The following IL1RAPL1 variants were observed in gnomAD, a reference collection of about 807,000 sequenced individuals.
IL1RAPL1 encodes interleukin-1 receptor accessory protein-like 1.
Under a neutral mutation model 48.4 loss-of-function variants are expected in IL1RAPL1, and 3 were observed. The ratio of observed to expected loss-of-function variants is 0.06; its 90% CI spans 0.03 to 0.16. The LOEUF (loss-of-function observed/expected upper bound fraction) is 0.16, where lower values mean the gene tolerates loss of function less well. Ranked by LOEUF, IL1RAPL1 falls within the 10% of genes least tolerant of loss-of-function variation. IL1RAPL1 has a pLI of 1.00. For synonymous variants in IL1RAPL1, 185 were observed against 187.7 expected, an observed-to-expected ratio of 0.99 and a Z score of 0.12; for missense variants, 349 against 530.6, an observed-to-expected ratio of 0.66 and a Z score of 3.36.
At chrX:28,763,120 A>T (rs1385252363) in intron 1 of IL1RAPL1, among the ~76,000 whole-genome samples, 1 of 110,917 alleles carries the variant, frequency 9.0e-6, no homozygotes, top group Non-Finnish European at 1.9e-5. Context: ...TCTGTTGGAT[A>T]TTTGGGTCAT....
intron 2 of IL1RAPL1, among the ~76,000 whole-genome samples, chrX:29,129,588 A>ATTTTTTTTTTTTT (rs754196116): frequency 5.0e-5 from 3 of 59,869 alleles, no homozygotes; most frequent in Non-Finnish European, 8.4e-5. Flanking sequence ...AATAATGTAA[A>ATTTTTTTTTTTTT]TTTTTTTTTT....
chrX:29,098,951 C>T (rs1291234468), intron 2 of IL1RAPL1, among the ~76,000 whole-genome samples: 1 of 111,294 alleles, frequency 9.0e-6, no homozygotes, highest in Non-Finnish European at 1.9e-5. Context: ...AGGAGTTTGA[C>T]ACCAGCCTGG....
At chrX:29,026,023 A>G (rs1360808421) in intron 2 of IL1RAPL1, among the ~76,000 whole-genome samples, 1 of 111,828 alleles carries the variant, frequency 8.9e-6, no homozygotes, top group Non-Finnish European at 1.9e-5. Flanking sequence ...GTCCAACCAT[A>G]CTAGGAAGTC....
intron 6 of IL1RAPL1, among the ~76,000 whole-genome samples, chrX:29,759,915 G>A (rs1198795905): frequency 2.7e-5 from 3 of 111,359 alleles, no homozygotes; most frequent in African/African-American, 6.5e-5. Flanking sequence ...ATTTACCACC[G>A]TAACAACTTA....
intron 1 of IL1RAPL1, among the ~76,000 whole-genome samples, chrX:28,763,349 A>C (rs772778795): frequency 8.3e-4 from 93 of 111,989 alleles, no homozygotes; most frequent in Non-Finnish European, 1.5e-3. Context: ...TGATCTTATA[A>C]TTAATGTTAT....
chrX:29,331,998 AACT>A (rs1375332646), intron 3 of IL1RAPL1, among the ~76,000 whole-genome samples: 1 of 109,785 alleles, frequency 9.1e-6, no homozygotes, highest in East Asian at 2.8e-4. Flanking sequence ...GCAATAAGTT[AACT>A]ATTATTATTA....
In IL1RAPL1 at chrX:29,376,198, T is replaced by C. The variant is rs144567574; in HGVS notation, c.363-20060T>C. Among the ~76,000 whole-genome samples the C allele has an allele frequency of 6.3e-3, 700 of 111,694 alleles. 7 individuals are homozygous for C. Among genetic ancestry groups the C allele is most frequent in the African/African-American group, 0.022 (672 of 30,764 alleles). On this transcript the variant is annotated intron_variant, in intron 3 of 10. Transcript: ENST00000378993. ...GATCTTTCTAACTTCTTGATGAAGG[T>C]GTTTATCACTATAAACTTTCCTCTA...
chrX:28,799,352 GAGA>G (rs1409865010), intron 2 of IL1RAPL1, among the ~76,000 whole-genome samples: 1 of 112,230 alleles, frequency 8.9e-6, no homozygotes, highest in East Asian at 2.8e-4. Flanking sequence ...ATTTTATCTT[GAGA>G]ACAAAATATT....
At chrX:29,368,726 G>A (rs1933503422) in intron 3 of IL1RAPL1, among the ~76,000 whole-genome samples, 1 of 106,412 alleles carries the variant, frequency 9.4e-6, no homozygotes, top group African/African-American at 3.6e-5. Flanking sequence ...AACATGCCCA[G>A]CCTCTGTGTA....
chrX:29,660,697 G>A (rs759192858), intron 5 of IL1RAPL1, among the ~76,000 whole-genome samples: 63 of 111,650 alleles, frequency 5.6e-4, no homozygotes, highest in African/African-American at 2.0e-3. Context: ...GTATGTGTTT[G>A]TTTTTGTGCC....
At chrX:29,419,899 G>A (rs1934270465) in intron 5 of IL1RAPL1, among the ~76,000 whole-genome samples, 1 of 111,737 alleles carries the variant, frequency 8.9e-6, no homozygotes, top group Non-Finnish European at 1.9e-5. Context: ...TTGCTGTGGA[G>A]CAGCTGCTCA....
At chrX:29,101,626 C>T (rs1397250056) in intron 2 of IL1RAPL1, among the ~76,000 whole-genome samples, 1 of 111,825 alleles carries the variant, frequency 8.9e-6, no homozygotes, top group Non-Finnish European at 1.9e-5. Context: ...AGACATAATT[C>T]AGCAACACAT....
At chrX:29,509,301 C>T (rs1935368990) in intron 5 of IL1RAPL1, among the ~76,000 whole-genome samples, 1 of 111,513 alleles carries the variant, frequency 9.0e-6, no homozygotes, top group African/African-American at 3.3e-5. Context: ...TCAGGCCCAC[C>T]CAGATTATCC....
chrX:28,722,881 G>A (rs1374145082), intron 1 of IL1RAPL1, among the ~76,000 whole-genome samples: 3 of 110,146 alleles, frequency 2.7e-5, no homozygotes, highest in African/African-American at 6.6e-5. Flanking sequence ...TTCTGTTTAT[G>A]TGCTGGATTA....
intron 9 of IL1RAPL1, 126 bp downstream of exon 9, chrX:29,941,920 C>G: frequency 1.7e-6 from 1 of 586,990 alleles, no homozygotes; most frequent in South Asian, 2.7e-5. Context: ...TTTCAGTGCT[C>G]AGTTTGTAAA....
chrX:29,428,674 C>T (rs973652684), intron 5 of IL1RAPL1, among the ~76,000 whole-genome samples: 6 of 111,601 alleles, frequency 5.4e-5, no homozygotes, highest in African/African-American at 1.6e-4. Flanking sequence ...AATCCTAGAC[C>T]TGAAGAAATT....
chrX:28,994,337 A>G (rs1164231347), intron 2 of IL1RAPL1, among the ~76,000 whole-genome samples: 1 of 111,710 alleles, frequency 9.0e-6, no homozygotes, highest in African/African-American at 3.3e-5. Context: ...AGATATAGGA[A>G]GCTTTGTATG....
chrX:28,932,848 T>C (rs1322765212), intron 2 of IL1RAPL1, among the ~76,000 whole-genome samples: 1 of 111,052 alleles, frequency 9.0e-6, no homozygotes, highest in East Asian at 2.8e-4. Context: ...TTCCTTATGA[T>C]ATTTTAAGTG....
At chrX:29,236,668 TTCTCCTGC>T (rs1412104673) in intron 2 of IL1RAPL1, among the ~76,000 whole-genome samples, 2 of 103,029 alleles carry the variant, frequency 1.9e-5, no homozygotes, top group African/African-American at 7.2e-5. Flanking sequence ...TTCTCCTGCA[TTCTCCTGC>T]CTCAGCCTCC....
Sources: gnomAD v4.1 joint callset for allele counts (sites outside exome capture counted in the v4.1 genomes callset) on GRCh38, gnomAD v4.1.1 for gene constraint, MANE v1.5 for transcripts, NCBI Gene and HGNC (gene_info 2026-07-23, HGNC 2026-07-21) for gene names.